Variants in SUMF1 observed in about 807,000 individuals in gnomAD.
The protein encoded by SUMF1 is sulfatase modifying factor 1, also known as formylglycine-generating enzyme.
A neutral mutation model predicts 47.6 loss-of-function variants in SUMF1; 48 were observed. That is an observed-to-expected ratio of 1.01 (90% CI 0.80 to 1.28). The LOEUF (loss-of-function observed/expected upper bound fraction) is 1.28. Ranked by LOEUF, SUMF1 falls within the 50% of genes most tolerant of loss-of-function variation. The probability of loss-of-function intolerance (pLI) is 0.00; values close to 1 mark genes in which losing one functional copy is unlikely to be tolerated. For synonymous variants in SUMF1, 230 were observed against 192.1 expected (o/e 1.20, Z -1.63); for missense variants, 571 against 485.4 (o/e 1.18, Z -1.66).
chr3:4,271,125 A>T (rs561749458), intron 8 of SUMF1, among the ~76,000 whole-genome samples: 1 of 152,328 alleles, frequency 6.6e-6, no homozygotes, highest in Admixed American at 6.5e-5. Flanking sequence ...AGTCTGATCG[A>T]TTGTGCTAAT....
At chr3:4,144,912 C>T (rs917451482) in intron 8 of SUMF1, among the ~76,000 whole-genome samples, 5 of 152,058 alleles carry the variant, frequency 3.3e-5, no homozygotes, top group African/African-American at 1.2e-4. Flanking sequence ...TCTTAAAAGC[C>T]ATCTCGGCAG....
chr3:4,103,236 AT>A (rs1693077877), intron 8 of SUMF1, among the ~76,000 whole-genome samples: 1 of 143,312 alleles, frequency 7.0e-6, no homozygotes, highest in African/African-American at 2.9e-5. Flanking sequence ...ACTTTTAAGC[AT>A]AAAAAAAAAA....
intron 8 of SUMF1, among the ~76,000 whole-genome samples, chr3:4,285,162 G>A (rs1388963252): frequency 1.3e-5 from 2 of 152,014 alleles, no homozygotes; most frequent in Non-Finnish European, 2.9e-5. Flanking sequence ...ATTATAATAG[G>A]CATAACTATA....
intron 8 of SUMF1, among the ~76,000 whole-genome samples, chr3:4,085,400 G>T (rs1692650382): frequency 6.6e-6 from 1 of 152,028 alleles, no homozygotes; most frequent in South Asian, 2.1e-4. Flanking sequence ...ATAGAGGTGA[G>T]GTTGAGAGCT....
chr3:4,341,959 T>C (rs1188922927), intron 8 of SUMF1, among the ~76,000 whole-genome samples: 1 of 152,220 alleles, frequency 6.6e-6, no homozygotes, highest in Admixed American at 6.5e-5. Flanking sequence ...CAATAAGTAA[T>C]AATTTATACT....
intron 8 of SUMF1, among the ~76,000 whole-genome samples, chr3:4,264,715 T>A (rs1219731834): frequency 6.6e-6 from 1 of 152,182 alleles, no homozygotes; most frequent in East Asian, 1.9e-4. Flanking sequence ...AAATGTGAGA[T>A]ATGTCAGGGG....
chr3:4,137,374 A>G (rs138970824), intron 8 of SUMF1, among the ~76,000 whole-genome samples: 3,642 of 152,018 alleles, frequency 0.024, 78 homozygotes, highest in Non-Finnish European at 0.035. Context: ...TTGCAAGAAC[A>G]AAAAACCAAA....
intron 8 of SUMF1, among the ~76,000 whole-genome samples, chr3:4,278,952 C>T (rs1013521772): frequency 6.6e-6 from 1 of 152,064 alleles, no homozygotes; most frequent in Non-Finnish European, 1.5e-5. Context: ...AACCACTGCT[C>T]TGTGTTTATC....
intron 8 of SUMF1, among the ~76,000 whole-genome samples, chr3:4,339,514 T>C (rs1024054232): frequency 1.3e-5 from 2 of 151,936 alleles, no homozygotes; most frequent in Admixed American, 6.6e-5. Context: ...GGTGGCTCCA[T>C]GTTGTAGCTG....
In SUMF1 at chr3:4,418,047, C is replaced by A; in HGVS notation, c.688G>T (p.Glu230Ter). ...WAGKRLPTEA[E>*]WEYSCRGGLH... ...CCTCCTCGACAGCTGTATTCCCACT[C>A]AGCTTCCGTGGGCAGCCGCTTCCCT... The change falls in exon 5 of 9, where the codon GAG (glutamate) becomes TAG (stop). Residue 230 changes from glutamate (E) to a stop codon, truncating the protein, a stop_gained. Transcript: ENST00000272902. LOFTEE classifies it high-confidence loss of function. 6.2e-7 allele frequency: 1 copy of A among 1,614,068 alleles called. No individual in the cohort carries two copies.
At chr3:4,359,894 G>C (rs187382681), downstream of SUMF1, among the ~76,000 whole-genome samples, 1 of 152,034 alleles carries the variant, frequency 6.6e-6, no homozygotes, top group African/African-American at 2.4e-5. Context: ...CTCTCGCCTC[G>C]ACTTCCCAAA....
intron 8 of SUMF1, among the ~76,000 whole-genome samples, chr3:4,131,406 T>A (rs1019651176): frequency 2.0e-5 from 3 of 152,138 alleles, no homozygotes; most frequent in Non-Finnish European, 4.4e-5. Flanking sequence ...GACTAGGCCC[T>A]GGTTCTCAAA....
chr3:4,185,837 G>C (rs1695190640), intron 8 of SUMF1, among the ~76,000 whole-genome samples: 1 of 152,144 alleles, frequency 6.6e-6, no homozygotes, highest in Admixed American at 6.5e-5. Flanking sequence ...CTTGAACAAG[G>C]ATATTTTTGT....
intron 9 of SUMF1, among the ~76,000 whole-genome samples, chr3:4,050,742 C>T (rs1314917771): frequency 9.6e-6 from 1 of 104,358 alleles, no homozygotes; most frequent in Non-Finnish European, 1.8e-5. Context: ...GAGTGAGACC[C>T]TGTCTCAAAA....
At chr3:4,466,599 TACA>T (rs1252992862) in intron 1 of SUMF1, among the ~76,000 whole-genome samples, 10 of 152,142 alleles carry the variant, frequency 6.6e-5, no homozygotes, top group Admixed American at 2.0e-4. Flanking sequence ...CAGATAAGTA[TACA>T]ACAACCCTGG....
rs534835308 is a variant in SUMF1, at chr3:4,200,236, C to T, written c.1015-131491G>A. Among the ~76,000 whole-genome samples, 20 of 144,566 alleles carry T rather than the reference C, an allele frequency of 1.4e-4. No individual in the cohort carries two copies. In the South Asian group the frequency reaches 2.2e-3, roughly 16 times the overall value. 94.8% of individuals were successfully genotyped at this position (144,566 alleles called of 152,430 possible). On this transcript the variant is annotated intron_variant and NMD_transcript_variant, in intron 8 of 12. Coordinates refer to the SUMF1 transcript ENST00000448413. ...TGGTTACTTGTAGGTGTCAACTTGA[C>T]GGGATTAAGGGATACCTAGATAGCT...
intron 9 of SUMF1, among the ~76,000 whole-genome samples, chr3:4,051,961 G>T (rs1695120601): frequency 6.6e-6 from 1 of 152,112 alleles, no homozygotes; most frequent in African/African-American, 2.4e-5. Context: ...AGGGCACTTT[G>T]ATTCTCAAAA....
chr3:4,192,882 G>A (rs1293802676), intron 8 of SUMF1, among the ~76,000 whole-genome samples: 7 of 152,244 alleles, frequency 4.6e-5, no homozygotes, highest in Non-Finnish European at 7.4e-5. Flanking sequence ...AGATCAACGT[G>A]TCAAGAGGAT....
intron 8 of SUMF1, among the ~76,000 whole-genome samples, chr3:4,102,594 T>C (rs1031821702): frequency 2.6e-5 from 4 of 152,200 alleles, no homozygotes; most frequent in Non-Finnish European, 5.9e-5. Flanking sequence ...GGTCTAAATA[T>C]GCAAAGACTT....
Sources: gnomAD v4.1 joint callset for allele counts (sites outside exome capture counted in the v4.1 genomes callset) on GRCh38, gnomAD v4.1.1 for gene constraint, MANE v1.5 for transcripts, NCBI Gene and HGNC (gene_info 2026-07-23, HGNC 2026-07-21) for gene names.